ASTN2: variants seen among roughly 807,000 people sequenced by gnomAD.
ASTN2 encodes astrotactin-2.
In ASTN2, 54 loss-of-function variants were observed where a neutral mutation model predicts 139.8. The ratio of observed to expected loss-of-function variants is 0.39; its 90% CI spans 0.31 to 0.48. The LOEUF (loss-of-function observed/expected upper bound fraction) is 0.48, where lower values mean the gene tolerates loss of function less well. Ranked by LOEUF, ASTN2 falls within the 20% of genes least tolerant of loss-of-function variation. ASTN2 has a pLI of 0.95. For synonymous variants in ASTN2, 756 were observed against 719.5 expected, an observed-to-expected ratio of 1.05 and a Z score of -0.81; for missense variants, 1,565 against 1,725.1, an observed-to-expected ratio of 0.91 and a Z score of 1.64.
intron 11 of ASTN2, among the ~76,000 whole-genome samples, chr9:116,847,467 C>G (rs1018417303): frequency 6.6e-6 from 1 of 152,146 alleles, no homozygotes; most frequent in Non-Finnish European, 1.5e-5. Flanking sequence ...GGAACACTTT[C>G]CTAGGAAAAT....
intron 16 of ASTN2, among the ~76,000 whole-genome samples, chr9:116,672,356 A>T (rs1228654686): frequency 6.6e-6 from 1 of 151,480 alleles, no homozygotes; most frequent in African/African-American, 2.4e-5. Context: ...ACAGAATGAG[A>T]TCTTGTCTCA....
chr9:116,904,553 A>C (rs1288179937), intron 10 of ASTN2, among the ~76,000 whole-genome samples: 2 of 152,138 alleles, frequency 1.3e-5, no homozygotes, highest in Admixed American at 1.3e-4. Flanking sequence ...CAGTTTCTTC[A>C]TCTGTAAAAG....
chr9:117,360,717 G>T (rs1829668687), intron 1 of ASTN2, among the ~76,000 whole-genome samples: 1 of 152,030 alleles, frequency 6.6e-6, no homozygotes, highest in South Asian at 2.1e-4. Context: ...TGATTTCAAG[G>T]CCTGGCTTTA....
At chr9:116,577,910 A>G (rs1853786638) in intron 19 of ASTN2, among the ~76,000 whole-genome samples, 1 of 152,146 alleles carries the variant, frequency 6.6e-6, no homozygotes, top group Non-Finnish European at 1.5e-5. Flanking sequence ...TGCAGTGACC[A>G]GAGATAAGGG....
chr9:116,754,259 C>T (rs144605918), intron 13 of ASTN2, among the ~76,000 whole-genome samples: 2,162 of 152,056 alleles, frequency 0.014, 36 homozygotes, highest in Non-Finnish European at 0.019. Flanking sequence ...TGAATAGTGC[C>T]GCCATAAACA....
intron 6 of ASTN2, among the ~76,000 whole-genome samples, chr9:117,029,844 G>A (rs1272845411): frequency 6.6e-6 from 1 of 151,996 alleles, no homozygotes; most frequent in Non-Finnish European, 1.5e-5. Flanking sequence ...AGCCTTACCT[G>A]CCAAGACCCT....
At chr9:117,337,026 A>G (rs1795412714) in intron 1 of ASTN2, among the ~76,000 whole-genome samples, 1 of 152,206 alleles carries the variant, frequency 6.6e-6, no homozygotes, top group African/African-American at 2.4e-5. Flanking sequence ...TACTTCTGGA[A>G]AGAGGAGCAA....
intron 13 of ASTN2, among the ~76,000 whole-genome samples, chr9:116,747,360 G>A (rs1257790786): frequency 6.6e-6 from 1 of 152,174 alleles, no homozygotes; most frequent in Admixed American, 6.5e-5. Flanking sequence ...TTCCCCAAAT[G>A]AAATCCTGAA....
intron 4 of ASTN2, among the ~76,000 whole-genome samples, chr9:117,124,398 T>C (rs1032428079): frequency 2.0e-5 from 3 of 152,302 alleles, no homozygotes; most frequent in Admixed American, 1.3e-4. Context: ...GGAAAAAAGA[T>C]ATGATTCCTT....
At chr9:116,710,763 GAAA>G (rs1239017006) in intron 16 of ASTN2, among the ~76,000 whole-genome samples, 1 of 140,430 alleles carries the variant, frequency 7.1e-6, no homozygotes, top group Non-Finnish European at 1.6e-5. Flanking sequence ...AAAAAGAAGA[GAAA>G]AAAGAAAGAA....
chr9:116,776,700 G>A (rs1319908106), intron 13 of ASTN2, among the ~76,000 whole-genome samples: 1 of 152,124 alleles, frequency 6.6e-6, no homozygotes, highest in East Asian at 1.9e-4. Flanking sequence ...AGGGGAGGCA[G>A]GAGCTTGGAG....
In ASTN2 at chr9:116,820,614, C is replaced by T; in HGVS notation, c.2207+3G>A. The T allele has an allele frequency of 6.2e-7, 1 of 1,612,866 alleles. No individual in the cohort carries two copies. The highest frequency in any genetic ancestry group is 1.1e-5 in the South Asian group (1 of 90,830). The stretch of plus-strand genomic sequence containing the variant: ...CACCTGGGCCTTGGGGACAGAGACT[C>T]ACCCGCAGAACATGAAGATGGTGCT... On this transcript the variant is annotated splice_donor_region_variant and intron_variant, in intron 12 of 22. Transcript: ENST00000313400.
intron 16 of ASTN2, among the ~76,000 whole-genome samples, chr9:116,703,746 C>G (rs1827915609): frequency 6.9e-6 from 1 of 144,070 alleles, no homozygotes; most frequent in Admixed American, 7.0e-5. Context: ...AAAAAAAGTG[C>G]AGTGTTACTC....
At chr9:116,450,099 C>A (rs914479594) in intron 20 of ASTN2, among the ~76,000 whole-genome samples, 1 of 152,186 alleles carries the variant, frequency 6.6e-6, no homozygotes, top group African/African-American at 2.4e-5. Context: ...CAACAACTAA[C>A]AAGCATTGCA....
intron 4 of ASTN2, among the ~76,000 whole-genome samples, chr9:117,100,208 G>A (rs766913714): frequency 4.6e-5 from 7 of 152,082 alleles, no homozygotes; most frequent in Non-Finnish European, 8.8e-5. Context: ...CTACCATAAG[G>A]GTTTCCATAA....
chr9:116,534,696 T>C (rs1202922453), intron 19 of ASTN2, among the ~76,000 whole-genome samples: 3 of 152,212 alleles, frequency 2.0e-5, no homozygotes, highest in Non-Finnish European at 2.9e-5. Context: ...AATCCTGAGG[T>C]CTAGTTTGAT....
intron 10 of ASTN2, among the ~76,000 whole-genome samples, chr9:116,913,504 C>G (rs1834368994): frequency 6.6e-6 from 1 of 152,136 alleles, no homozygotes; most frequent in South Asian, 2.1e-4. Flanking sequence ...TTCTTAGTAC[C>G]CCTGGGTTTG....
chr9:117,101,467 C>T (rs886085068), intron 4 of ASTN2, among the ~76,000 whole-genome samples: 8 of 152,176 alleles, frequency 5.3e-5, no homozygotes, highest in Non-Finnish European at 1.0e-4. Context: ...AATCTATCTG[C>T]TGGAACCAGC....
chr9:116,668,443 C>T (rs1433568974), intron 16 of ASTN2, among the ~76,000 whole-genome samples: 2 of 152,204 alleles, frequency 1.3e-5, no homozygotes, highest in Non-Finnish European at 1.5e-5. Context: ...CCACCCGCCT[C>T]GGCCTCCCAA....
Sources: gnomAD v4.1 joint callset for allele counts (sites outside exome capture counted in the v4.1 genomes callset) on GRCh38, gnomAD v4.1.1 for gene constraint, MANE v1.5 for transcripts, NCBI Gene and HGNC (gene_info 2026-07-23, HGNC 2026-07-21) for gene names.